Variants in CNBD1 observed in about 807,000 individuals in gnomAD.
CNBD1 encodes cyclic nucleotide binding domain containing 1, also known as cyclic nucleotide-binding domain-containing protein 1.
In CNBD1, 71 loss-of-function variants were observed where a neutral mutation model predicts 54.4. The observed-to-expected ratio is 1.30, with a 90% CI of 1.08 to 1.59. The LOEUF is 1.59. Among genes scored for constraint, CNBD1 ranks in the 40% most tolerant of loss-of-function variants. The probability of loss-of-function intolerance (pLI) is 0.00; values close to 1 mark genes in which losing one functional copy is unlikely to be tolerated. For synonymous variants in CNBD1, 182 were observed against 170.7 expected (o/e 1.07, Z -0.51); for missense variants, 659 against 518.0 (o/e 1.27, Z -2.64).
At chr8:87,198,401 T>C (rs1038080615) in intron 4 of CNBD1, among the ~76,000 whole-genome samples, 43 of 152,188 alleles carry the variant, frequency 2.8e-4, no homozygotes, top group Non-Finnish European at 1.0e-4. Flanking sequence ...AGAGTTCCCC[T>C]ATTATATTAT....
intron 4 of CNBD1, among the ~76,000 whole-genome samples, chr8:87,028,854 T>C (rs1336449230): frequency 3.3e-5 from 5 of 152,188 alleles, no homozygotes; most frequent in Admixed American, 3.3e-4. Context: ...ACAAAAACTG[T>C]TTATATACAA....
intron 5 of CNBD1, among the ~76,000 whole-genome samples, chr8:87,233,434 G>T (rs976178776): frequency 1.3e-5 from 2 of 152,130 alleles, no homozygotes; most frequent in African/African-American, 4.8e-5. Flanking sequence ...TTATCGTGTA[G>T]TCTATTAAGC....
intron 4 of CNBD1, among the ~76,000 whole-genome samples, chr8:87,103,153 T>C (rs896844581): frequency 3.9e-5 from 6 of 152,158 alleles, no homozygotes; most frequent in Non-Finnish European, 5.9e-5. Flanking sequence ...ATTTGCCAAA[T>C]ATCAGCATAC....
intron 8 of CNBD1, among the ~76,000 whole-genome samples, chr8:87,301,981 T>C (rs1340213852): frequency 6.6e-6 from 1 of 152,096 alleles, no homozygotes; most frequent in Admixed American, 6.6e-5. Flanking sequence ...GGCTCTGAAA[T>C]TGAGGCAGTA....
chr8:87,063,878 T>C (rs1204273482), intron 4 of CNBD1, among the ~76,000 whole-genome samples: 1 of 151,996 alleles, frequency 6.6e-6, no homozygotes, highest in Non-Finnish European at 1.5e-5. Context: ...AAATGATATA[T>C]TTAAAAATTT....
intron 4 of CNBD1, among the ~76,000 whole-genome samples, chr8:87,000,744 A>G (rs189508954): frequency 6.6e-6 from 1 of 152,100 alleles, no homozygotes; most frequent in Non-Finnish European, 1.5e-5. Context: ...GAACTTTTTA[A>G]TGTTGTTCCA....
chr8:87,204,642 T>C (rs1244964258), intron 4 of CNBD1, among the ~76,000 whole-genome samples: 7 of 152,146 alleles, frequency 4.6e-5, no homozygotes, highest in Non-Finnish European at 1.5e-5. Context: ...AGCTACTTTC[T>C]ATGAAGTAGC....
chr8:87,365,009 G>A (rs1386905363), intron 10 of CNBD1, among the ~76,000 whole-genome samples: 1 of 152,050 alleles, frequency 6.6e-6, no homozygotes, highest in African/African-American at 2.4e-5. Context: ...TATATACCCA[G>A]TGGTGAGATT....
At chr8:87,090,890 C>G (rs1392522356) in intron 4 of CNBD1, among the ~76,000 whole-genome samples, 2 of 152,022 alleles carry the variant, frequency 1.3e-5, no homozygotes, top group Non-Finnish European at 2.9e-5. Flanking sequence ...CCTGTAATCC[C>G]AGCACTTTGG....
chr8:86,932,144 G>A (rs1308290900), intron 3 of CNBD1, among the ~76,000 whole-genome samples: 3 of 152,158 alleles, frequency 2.0e-5, no homozygotes, highest in Non-Finnish European at 4.4e-5. Context: ...TTTCATTAAA[G>A]GCCAGGGTTT....
chr8:87,043,093 A>G (rs1030005064), intron 4 of CNBD1, among the ~76,000 whole-genome samples: 3 of 152,202 alleles, frequency 2.0e-5, no homozygotes, highest in Admixed American at 2.0e-4. Context: ...ACAGCAGAGA[A>G]GGGGCTGTCT....
intron 8 of CNBD1, among the ~76,000 whole-genome samples, chr8:87,344,897 A>T (rs1810139066): frequency 6.6e-6 from 1 of 152,162 alleles, no homozygotes; most frequent in South Asian, 2.1e-4. Flanking sequence ...TAATCAGTGT[A>T]TAATATTTAA....
intron 8 of CNBD1, among the ~76,000 whole-genome samples, chr8:87,303,879 T>C (rs1162981949): frequency 6.6e-6 from 1 of 151,928 alleles, no homozygotes; most frequent in Admixed American, 6.6e-5. Context: ...AAAAGACACA[T>C]GAAAAAATGC....
chr8:87,203,528 A>G (rs1249397324), intron 4 of CNBD1, among the ~76,000 whole-genome samples: 1 of 152,222 alleles, frequency 6.6e-6, no homozygotes, highest in Non-Finnish European at 1.5e-5. Context: ...AATGCATTCT[A>G]GCTGTGTAAC....
At chr8:86,905,765 T>C (rs1032719292) in intron 3 of CNBD1, among the ~76,000 whole-genome samples, 1 of 152,204 alleles carries the variant, frequency 6.6e-6, no homozygotes, top group East Asian at 1.9e-4. Flanking sequence ...CCAGATCACA[T>C]TGTGATGCAG....
chr8:87,368,627 A>T (rs1810692910), intron 10 of CNBD1, among the ~76,000 whole-genome samples: 1 of 152,004 alleles, frequency 6.6e-6, no homozygotes, highest in East Asian at 1.9e-4. Context: ...ACAGAACAAA[A>T]ACCTATCTCA....
intron 4 of CNBD1, among the ~76,000 whole-genome samples, chr8:87,091,121 CAG>C (rs1811195022): frequency 1.6e-5 from 2 of 124,012 alleles, no homozygotes; most frequent in Admixed American, 1.0e-4. Context: ...GCCTGGGTGA[CAG>C]AGTGAGACTC....
intron 1 of CNBD1, among the ~76,000 whole-genome samples, chr8:86,875,207 G>A (rs894770498): frequency 3.3e-5 from 5 of 151,730 alleles, no homozygotes; most frequent in Non-Finnish European, 7.4e-5. Context: ...CATATTCACT[G>A]CCATCCATTC....
At chr8:87,390,064 G>A (rs1411775643) in intron 2 of CNBD1, among the ~76,000 whole-genome samples, 1 of 150,800 alleles carries the variant, frequency 6.6e-6, no homozygotes, top group African/African-American at 2.5e-5. Flanking sequence ...GCTGAAACTG[G>A]ATCCCTTCCT....
Sources: allele counts gnomAD v4.1 joint callset (sites outside exome capture counted in the v4.1 genomes callset), GRCh38; gene constraint gnomAD v4.1.1; transcripts MANE v1.5; gene names NCBI Gene and HGNC (gene_info 2026-07-23, HGNC 2026-07-21).